Variants in JHY observed in about 807,000 individuals in gnomAD.
The protein encoded by JHY is junctional cadherin complex regulator.
JHY carries 69 observed loss-of-function variants against 78.0 expected under a neutral mutation model. The observed-to-expected ratio is 0.88, with a 90% CI of 0.73 to 1.08. JHY has a LOEUF of 1.08. Ranked by LOEUF, JHY falls within the 50% of genes least tolerant of loss-of-function variation. The probability of loss-of-function intolerance (pLI) is 0.00; values close to 1 mark genes in which losing one functional copy is unlikely to be tolerated. For synonymous variants in JHY, 368 were observed against 342.6 expected (o/e 1.07, Z -0.82); for missense variants, 944 against 927.8 (o/e 1.02, Z -0.23).
chr11:122,921,339 CACTT>C (rs1175016355), intron 3 of JHY, among the ~76,000 whole-genome samples: 2 of 152,212 alleles, frequency 1.3e-5, no homozygotes, highest in East Asian at 1.9e-4. Flanking sequence ...ATTTCTTAGA[CACTT>C]ACAAAAGTCA....
chr11:122,955,532 G>A (rs1864172284), intron 6 of JHY, among the ~76,000 whole-genome samples: 1 of 152,080 alleles, frequency 6.6e-6, no homozygotes, highest in African/African-American at 2.4e-5. Flanking sequence ...TTGTGCTCAG[G>A]TGCCATAATC....
In JHY at chr11:122,898,415, C is replaced by A. The variant is rs1021565934; in HGVS notation, c.345-5510C>A. 6.6e-6 allele frequency among the ~76,000 whole-genome samples: 1 copy of A among 152,152 alleles called. No individual in the cohort carries two copies. The highest frequency in any genetic ancestry group is 1.5e-5 in the Non-Finnish European group (1 of 68,034). On this transcript the variant is annotated intron_variant, in intron 2 of 8. Transcript: ENST00000227349. The surrounding 1 kb of genome is among the most constrained non-coding windows in gnomAD (Gnocchi z 4.4). Reference sequence around the variant, plus strand: ...TGTGACCTTGGGAGATGTACATAAGCCCTCTAAGCCTCAGTTTCCTCGTCT... The same window carrying A: ...TGTGACCTTGGGAGATGTACATAAGACCTCTAAGCCTCAGTTTCCTCGTCT...
At chr11:122,909,400 G>T (rs964177485) in intron 3 of JHY, among the ~76,000 whole-genome samples, 1 of 152,132 alleles carries the variant, frequency 6.6e-6, no homozygotes, top group African/African-American at 2.4e-5. Context: ...CTGCCAGCTC[G>T]GTGACGCTCT....
At chr11:122,955,121 T>C (rs1864162555) in intron 6 of JHY, among the ~76,000 whole-genome samples, 1 of 152,082 alleles carries the variant, frequency 6.6e-6, no homozygotes, top group Non-Finnish European at 1.5e-5. Context: ...GGGTTTGTTG[T>C]TGTTGTTGTT....
intron 7 of JHY, among the ~76,000 whole-genome samples, chr11:122,956,971 C>G (rs191524055): frequency 6.6e-6 from 1 of 152,186 alleles, no homozygotes; most frequent in Non-Finnish European, 1.5e-5. Flanking sequence ...CCACTTTATT[C>G]TCTTTCCTCT....
chr11:122,897,375 C>T (rs1394779043), intron 2 of JHY, among the ~76,000 whole-genome samples: 1 of 152,136 alleles, frequency 6.6e-6, no homozygotes, highest in Non-Finnish European at 1.5e-5. Context: ...AGGCACATGC[C>T]ACAGTACCTG....
chr11:122,961,442 C>G lies in JHY; in HGVS notation c.*1997C>G, dbSNP rs1864315100. Among the ~76,000 whole-genome samples the G allele has an allele frequency of 6.6e-6, 1 of 152,090 alleles. No homozygotes were observed. Among genetic ancestry groups the G allele is most frequent in the Non-Finnish European group, 1.5e-5 (1 of 68,028 alleles). On this transcript the variant is annotated 3_prime_UTR_variant, in exon 9 of 9. Transcript: ENST00000227349. ...CTGGATTCAAGCGATTCTCCTGTCT[C>G]AGCCTCCCTTCAAGCAATTCTCCTG...
chr11:122,960,440 G>A lies in JHY; in HGVS notation c.*995G>A, dbSNP rs146551578. 3 of 232,374 alleles carry A rather than the reference G, an allele frequency of 1.3e-5. No individual in the cohort carries two copies. The highest frequency in any genetic ancestry group is 2.7e-5 in the Non-Finnish European group (3 of 109,622). The allele number at this position is 232,374 out of a possible 1,614,324, so 14.4% of individuals were successfully genotyped here. A position where few individuals can be genotyped will look rare whatever the true frequency, so the allele number is the denominator to read the frequency against. ...CAACAAGGACCTTTCACACAGGGAA[G>A]CCACTCCTTGCCCCTCTACCACCTC... is the stretch of plus-strand genomic sequence containing the variant. On this transcript the variant is annotated 3_prime_UTR_variant, in exon 9 of 9. Coordinates refer to ENST00000227349, the MANE Select transcript of JHY (RefSeq NM_024806.4).
chr11:122,957,120 G>GAA (rs1864209277), intron 7 of JHY, among the ~76,000 whole-genome samples: 1 of 152,182 alleles, frequency 6.6e-6, no homozygotes, highest in Non-Finnish European at 1.5e-5. Flanking sequence ...ATGTGATTTA[G>GAA]CCCCTGTTAA....
Position 122,963,443 on chromosome 11 carries a change from T to G in JHY, c.*3998T>G, listed in dbSNP as rs1864352183. On this transcript the variant is annotated 3_prime_UTR_variant, in exon 9 of 9. Transcript: ENST00000227349. ...AAATAAAACATATTTGCAGAAAGTT[T>G]GGGGTTGAAATCAAAGAATGGATCA... Among the ~76,000 whole-genome samples the G allele has an allele frequency of 6.6e-6, 1 of 152,180 alleles. No individual in the cohort carries two copies. Among genetic ancestry groups the G allele is most frequent in the East Asian group, 1.9e-4 (1 of 5,192 alleles).
rs1591384291 is a variant in JHY, at chr11:122,923,837, C to T, written c.865-1060C>T. ...GGTTTAAGCAGTTATCTGCCTCAGC[C>T]TTCCGAGTAGCTGGGATTACAGACC... On this transcript the variant is annotated intron_variant, in intron 3 of 8. Coordinates refer to ENST00000227349, the MANE Select transcript of JHY (RefSeq NM_024806.4). 4.0e-5 allele frequency among the ~76,000 whole-genome samples: 6 copies of T among 151,260 alleles called. 1 individual carries two copies. Among genetic ancestry groups the T allele is most frequent in the Admixed American group, 2.0e-4 (3 of 15,232 alleles).
At chr11:122,892,073 G>A (rs1862627536) in intron 2 of JHY, among the ~76,000 whole-genome samples, 1 of 152,072 alleles carries the variant, frequency 6.6e-6, no homozygotes. Context: ...CTTTGGGCTG[G>A]GAGGTCATAG....
chr11:122,912,009 G>A (rs1863138440), intron 3 of JHY, among the ~76,000 whole-genome samples: 2 of 151,608 alleles, frequency 1.3e-5, no homozygotes, highest in Admixed American at 6.6e-5. Context: ...ACTGGGGGTT[G>A]GGCATGGTGG....
Position 122,938,009 on chromosome 11 carries a change from T to TG in JHY, c.1634+2935dup, listed in dbSNP as rs765664923. Among the ~76,000 whole-genome samples, 18 of 124,132 alleles carry TG rather than the reference T, an allele frequency of 1.5e-4. 1 individual carries two copies. Among genetic ancestry groups the TG allele is most frequent in the Non-Finnish European group, 2.6e-4 (15 of 56,892 alleles). The allele number at this position is 124,132 out of a possible 152,430, so 81.4% of individuals were successfully genotyped here. A position where few individuals can be genotyped will look rare whatever the true frequency, so the allele number is the denominator to read the frequency against. ...TATTCCTGATCCTTTGTATATAATCTGTTTTTTTTGTTGTTGTTTTTTGTT... is the reference window on the plus strand; with the variant it reads ...TATTCCTGATCCTTTGTATATAATCTGGTTTTTTTTGTTGTTGTTTTTTGTT... On this transcript the variant is annotated intron_variant, in intron 5 of 8. Coordinates refer to ENST00000227349, the MANE Select transcript of JHY (RefSeq NM_024806.4).
chr11:122,902,576 G>C (rs1862885125), intron 2 of JHY, among the ~76,000 whole-genome samples: 1 of 152,194 alleles, frequency 6.6e-6, no homozygotes, highest in African/African-American at 2.4e-5. Flanking sequence ...CTGGCTCACA[G>C]TTCCACAGGC....
chr11:122,895,171 A>G (rs1399321447), intron 2 of JHY, among the ~76,000 whole-genome samples: 1 of 152,242 alleles, frequency 6.6e-6, no homozygotes, highest in Non-Finnish European at 1.5e-5. Context: ...TTACACTTAA[A>G]CAAAAATTGA....
intron 5 of JHY, among the ~76,000 whole-genome samples, chr11:122,939,824 C>T (rs1371379155): frequency 6.6e-6 from 1 of 151,984 alleles, no homozygotes; most frequent in Admixed American, 6.6e-5. Context: ...AACATTCAGC[C>T]CCTAAGAATA....
chr11:122,888,603 C>G (rs1032542480), intron 2 of JHY, among the ~76,000 whole-genome samples: 1 of 151,682 alleles, frequency 6.6e-6, no homozygotes, highest in Non-Finnish European at 1.5e-5. Flanking sequence ...TACAGTATAA[C>G]CCTTACTGCC....
At chr11:122,908,818 C>T (rs1222689798) in intron 3 of JHY, among the ~76,000 whole-genome samples, 1 of 152,174 alleles carries the variant, frequency 6.6e-6, no homozygotes, top group Non-Finnish European at 1.5e-5. Context: ...CCTGCCTCAG[C>T]CTCCAGAGCA....
Sources: gnomAD v4.1 joint callset for allele counts (sites outside exome capture counted in the v4.1 genomes callset) on GRCh38, gnomAD v4.1.1 for gene constraint, Gnocchi (gnomAD v3.1) non-coding constraint, MANE v1.5 for transcripts, NCBI Gene and HGNC (gene_info 2026-07-23, HGNC 2026-07-21) for gene names.